The following FSTL5 variants were observed in gnomAD, a reference collection of about 807,000 sequenced individuals.
FSTL5 encodes follistatin like 5.
Under a neutral mutation model 89.1 loss-of-function variants are expected in FSTL5, and 62 were observed. The ratio of observed to expected loss-of-function variants is 0.70; its 90% confidence interval spans 0.57 to 0.86. The LOEUF is 0.86. Ranked by LOEUF, FSTL5 falls within the 40% of genes least tolerant of loss-of-function variation. The pLI is 0.00. For synonymous variants in FSTL5, 383 were observed against 346.2 expected (o/e 1.11, Z -1.18); for missense variants, 1,057 against 1,001.6 (o/e 1.06, Z -0.75).
intron 8 of FSTL5, among the ~76,000 whole-genome samples, chr4:161,563,101 T>C (rs1732666735): frequency 6.6e-6 from 1 of 151,970 alleles, no homozygotes. Flanking sequence ...TTTTCATTTC[T>C]TTCTGCCTTC....
intron 15 of FSTL5, among the ~76,000 whole-genome samples, chr4:161,413,009 AT>A (rs962328347): frequency 6.6e-6 from 1 of 152,042 alleles, no homozygotes; most frequent in Admixed American, 6.6e-5. Flanking sequence ...TTGACAAAGA[AT>A]TTTTTACTAA....
chr4:161,860,266 C>A (rs1010664193), intron 4 of FSTL5, among the ~76,000 whole-genome samples: 3 of 149,674 alleles, frequency 2.0e-5, no homozygotes, highest in Non-Finnish European at 4.4e-5. Context: ...CCAGCCTAGG[C>A]GACAGAGCGA....
At chr4:161,386,532 T>C (rs1730653492) in intron 15 of FSTL5, 83 bp from the exon 16 acceptor site, 11 of 885,766 alleles carry the variant, frequency 1.2e-5, no homozygotes, top group Non-Finnish European at 1.9e-5. Context: ...GGTGGAAAGG[T>C]CCATCGCAGG....
intron 8 of FSTL5, among the ~76,000 whole-genome samples, chr4:161,575,240 A>G (rs985554291): frequency 3.3e-5 from 5 of 152,152 alleles, no homozygotes; most frequent in Non-Finnish European, 7.3e-5. Flanking sequence ...GATTCCGGAT[A>G]TGAGACCTTT....
intron 3 of FSTL5, among the ~76,000 whole-genome samples, chr4:161,944,498 C>T (rs1359769773): frequency 6.6e-6 from 1 of 151,812 alleles, no homozygotes; most frequent in Non-Finnish European, 1.5e-5. Flanking sequence ...GAAAAGAATA[C>T]AAGCAGACAT....
intron 13 of FSTL5, among the ~76,000 whole-genome samples, chr4:161,467,509 A>G (rs1323940777): frequency 2.0e-5 from 3 of 152,152 alleles, no homozygotes; most frequent in Non-Finnish European, 2.9e-5. Context: ...TACTAGGATG[A>G]TCAATTTATA....
intron 6 of FSTL5, among the ~76,000 whole-genome samples, chr4:161,684,455 G>C (rs1737638915): frequency 6.6e-6 from 1 of 151,906 alleles, no homozygotes; most frequent in Non-Finnish European, 1.5e-5. Context: ...TTTGATTACG[G>C]TCATTCTTGC....
At chr4:161,707,166 G>A (rs1579037337) in intron 6 of FSTL5, among the ~76,000 whole-genome samples, 1 of 151,788 alleles carries the variant, frequency 6.6e-6, no homozygotes, top group East Asian at 1.9e-4. Flanking sequence ...AATACAAATT[G>A]TTTATAATTT....
intron 3 of FSTL5, among the ~76,000 whole-genome samples, chr4:162,029,635 G>T (rs1231713352): frequency 6.6e-6 from 1 of 152,074 alleles, no homozygotes; most frequent in East Asian, 1.9e-4. Flanking sequence ...ACACTATTGT[G>T]ATGTGTTTAT....
chr4:161,687,147 G>A (rs905868151), intron 6 of FSTL5, among the ~76,000 whole-genome samples: 3 of 151,966 alleles, frequency 2.0e-5, no homozygotes, highest in East Asian at 1.9e-4. Context: ...ATGTAACAAC[G>A]GTTAAATGGT....
chr4:161,775,603 G>C (rs1160234472), intron 5 of FSTL5, among the ~76,000 whole-genome samples: 1 of 151,944 alleles, frequency 6.6e-6, no homozygotes, highest in African/African-American at 2.4e-5. Flanking sequence ...AATTCTACAA[G>C]ATAAAGAACT....
chr4:161,729,776 C>T (rs538498014), intron 6 of FSTL5, among the ~76,000 whole-genome samples: 1 of 152,220 alleles, frequency 6.6e-6, no homozygotes, highest in African/African-American at 2.4e-5. Context: ...CAATAACACT[C>T]GTTTATGATT....
intron 2 of FSTL5, among the ~76,000 whole-genome samples, chr4:162,103,199 T>C (rs1011652055): frequency 2.6e-5 from 4 of 152,150 alleles, no homozygotes; most frequent in Non-Finnish European, 1.5e-5. Context: ...TTCAGTCCAG[T>C]GAATGCCAGT....
intron 4 of FSTL5, among the ~76,000 whole-genome samples, chr4:161,854,416 C>A (rs1265108291): frequency 6.6e-6 from 1 of 152,096 alleles, no homozygotes; most frequent in Non-Finnish European, 1.5e-5. Flanking sequence ...ACTGTGAAGT[C>A]CCTACATGAT....
chr4:161,480,025 T>C (rs1021572326), intron 13 of FSTL5, among the ~76,000 whole-genome samples: 1 of 152,168 alleles, frequency 6.6e-6, no homozygotes, highest in African/African-American at 2.4e-5. Flanking sequence ...TAGTCCTACT[T>C]TGAACATCTT....
At chr4:161,921,003 C>G (rs752873616) in intron 3 of FSTL5, among the ~76,000 whole-genome samples, 2 of 152,048 alleles carry the variant, frequency 1.3e-5, no homozygotes, top group Non-Finnish European at 2.9e-5. Flanking sequence ...TTCCTTGTGC[C>G]AAGTTGTCCC....
At position 161,386,161 on chromosome 4, in the gene FSTL5, A is replaced by G. The variant is rs752147815; in HGVS notation, c.2130T>C (p.Asn710=). ...SPDGHYLVSI[N]DVKGLVRVQY... is the part of the protein sequence containing the mutation. ...GAACCCTTACAAGACCTTTCACATC[A>G]TTAATGCTGACAAGGTAGTGGCCAT... The change falls in exon 16 of 16, where the codon AAT becomes AAC. Residue 710 remains asparagine (N), a synonymous_variant. Transcript: ENST00000306100. 1.9e-6 allele frequency: 3 copies of G among 1,614,032 alleles called. No individual in the cohort carries two copies. Among genetic ancestry groups the G allele is most frequent in the Non-Finnish European group, 2.5e-6 (3 of 1,179,980 alleles).
chr4:161,635,142 A>T (rs942500541), intron 7 of FSTL5, among the ~76,000 whole-genome samples: 1 of 152,134 alleles, frequency 6.6e-6, no homozygotes, highest in South Asian at 2.1e-4. Context: ...TAATCCCAGC[A>T]ATTTGGGAGG....
chr4:161,569,394 C>T (rs1732926798), intron 8 of FSTL5, among the ~76,000 whole-genome samples: 1 of 152,062 alleles, frequency 6.6e-6, no homozygotes, highest in East Asian at 1.9e-4. Context: ...ACCATTAAGC[C>T]AAGGAATGTC....
Sources: gnomAD v4.1 joint callset for allele counts (sites outside exome capture counted in the v4.1 genomes callset) on GRCh38, gnomAD v4.1.1 for gene constraint, MANE v1.5 for transcripts, NCBI Gene and HGNC (gene_info 2026-07-23, HGNC 2026-07-21) for gene names.